The following ESRRB variants were observed in gnomAD, a reference collection of about 807,000 sequenced individuals.
ESRRB encodes the protein estrogen related receptor beta, also known as steroid hormone receptor ERR2.
Under a neutral mutation model 46.0 loss-of-function variants are expected in ESRRB, and 16 were observed. The observed-to-expected ratio is 0.35, with a 90% CI of 0.24 to 0.53. The LOEUF is 0.53. Among genes scored for constraint, ESRRB ranks in the 20% least tolerant of loss-of-function variants. The probability of loss-of-function intolerance (pLI) is 0.93; values close to 1 mark genes in which losing one functional copy is unlikely to be tolerated. For missense variants in ESRRB, 488 were observed against 607.4 expected, an observed-to-expected ratio of 0.80 and a Z score of 2.07; for synonymous variants, 246 against 259.6, an observed-to-expected ratio of 0.95 and a Z score of 0.50.
At chr14:76,390,865 C>T (rs903860300) in intron 1 of ESRRB, among the ~76,000 whole-genome samples, 1 of 152,154 alleles carries the variant, frequency 6.6e-6, no homozygotes, top group Admixed American at 6.5e-5. Flanking sequence ...GCCACAGCAG[C>T]ACATGGTTGA....
At position 76,327,293 on chromosome 14, in the gene ESRRB, C is replaced by T. The variant is rs115842767; in HGVS notation, c.2+16377C>T. ...TACCTCCTGGGGCTTGGCCAGCTTC[C>T]CCATTTCTCTCTGACACGCCTGGAA... On this transcript the variant is annotated intron_variant, in intron 1 of 6. Coordinates refer to the ESRRB transcript ENST00000512784. Among the ~76,000 whole-genome samples the T allele has an allele frequency of 4.1e-3, 625 of 152,314 alleles. 4 individuals are homozygous for T. The highest frequency in any genetic ancestry group is 0.014 in the African/African-American group (579 of 41,556).
At chr14:76,465,936 C>A (rs971834635) in intron 3 of ESRRB, among the ~76,000 whole-genome samples, 1 of 152,224 alleles carries the variant, frequency 6.6e-6, no homozygotes, top group Non-Finnish European at 1.5e-5. Context: ...GGGACCGACC[C>A]CCTTGGGAGG....
intron 5 of ESRRB, among the ~76,000 whole-genome samples, chr14:76,487,165 T>C (rs921973495): frequency 1.3e-5 from 2 of 152,180 alleles, no homozygotes; most frequent in Admixed American, 1.3e-4. Context: ...TTACACCTGC[T>C]TTTTCCATTT....
chr14:76,359,319 G>T (rs1410704677), intron 1 of ESRRB, among the ~76,000 whole-genome samples: 3 of 152,082 alleles, frequency 2.0e-5, no homozygotes, highest in Non-Finnish European at 2.9e-5. Flanking sequence ...CCCATTCAAG[G>T]GTGAGGAAAT....
Position 76,347,681 on chromosome 14 carries a change from T to C in ESRRB, c.2+36765T>C, listed in dbSNP as rs1441456373. ...AGTAATTTGTCCAAAGTTGTACAGCTAGTAAGTGATGGAGCCTGGACTCCA... is the reference window on the plus strand; with the variant it reads ...AGTAATTTGTCCAAAGTTGTACAGCCAGTAAGTGATGGAGCCTGGACTCCA... On this transcript the variant is annotated intron_variant, in intron 1 of 6. Transcript: ENST00000512784. 8.0e-5 allele frequency among the ~76,000 whole-genome samples: 8 copies of C among 99,972 alleles called. 1 individual carries two copies. Among genetic ancestry groups the C allele is most frequent in the Non-Finnish European group, 1.5e-4 (7 of 46,662 alleles). 65.6% of individuals were successfully genotyped at this position (99,972 alleles called of 152,430 possible).
Position 76,378,329 on chromosome 14 carries a change from G to A in ESRRB, c.50+1878G>A, listed in dbSNP as rs549868059. Among the ~76,000 whole-genome samples the A allele has an allele frequency of 3.3e-5, 5 of 152,244 alleles. No individual in the cohort carries two copies. In the East Asian group the frequency reaches 9.7e-4, roughly 29 times the overall value. ...CAGCTGGGTAATTCATCGAGTTGAC[G>A]GCAGCCCTGACTGGAGTTTGAGGAG... On this transcript the variant is annotated intron_variant, in intron 1 of 6. Coordinates refer to ENST00000644823, the MANE Select transcript of ESRRB (RefSeq NM_001379180.1).
intron 1 of ESRRB, among the ~76,000 whole-genome samples, chr14:76,365,157 T>G (rs2139775161): frequency 6.6e-6 from 1 of 152,324 alleles, no homozygotes; most frequent in East Asian, 1.9e-4. Flanking sequence ...CAGAGTGAAG[T>G]AACTTGAGTT....
In ESRRB at chr14:76,498,478, A is replaced by G. The variant is rs371141236; in HGVS notation, c.*20A>G. The G allele has an allele frequency of 1.4e-5, 23 of 1,612,962 alleles. No individual in the cohort carries two copies. Among genetic ancestry groups the G allele is most frequent in the Middle Eastern group, 1.6e-4 (1 of 6,062 alleles). On this transcript the variant is annotated 3_prime_UTR_variant, in exon 7 of 7. Coordinates refer to ENST00000644823, the MANE Select transcript of ESRRB (RefSeq NM_001379180.1). The stretch of plus-strand genomic sequence containing the variant: ...GTGTGATGGCCCCGCACACGGACCA[A>G]TGCCCACCTACAGACAGACAAACGG...
At position 76,402,810 on chromosome 14, in the gene ESRRB, A is replaced by C. The variant is rs78300663; in HGVS notation, c.50+26359A>C. On this transcript the variant is annotated intron_variant, in intron 1 of 6. Transcript: ENST00000644823. ...CAGCCTCCTAAGTAGCTGGGACTAC[A>C]GGCATGACATCCCACTCAGCTCTGG... is the stretch of plus-strand genomic sequence containing the variant. Among the ~76,000 whole-genome samples the C allele has an allele frequency of 6.3e-3, 953 of 152,154 alleles. 8 individuals are homozygous for C. The highest frequency in any genetic ancestry group is 9.7e-3 in the Non-Finnish European group (660 of 67,992).
At chr14:76,402,178 A>G (rs918542196) in intron 1 of ESRRB, among the ~76,000 whole-genome samples, 2 of 152,224 alleles carry the variant, frequency 1.3e-5, no homozygotes, top group African/African-American at 4.8e-5. Context: ...TGCTGATTTC[A>G]ATGCTAATCT....
chr14:76,387,338 G>A lies in ESRRB; in HGVS notation c.50+10887G>A, dbSNP rs1408634529. ...AGCCCCGGGTACGGGGAATGGAAGAGCTCTAGAGCCCCCTACAGGCACTCA... is the reference window on the plus strand; with the variant it reads ...AGCCCCGGGTACGGGGAATGGAAGAACTCTAGAGCCCCCTACAGGCACTCA... On this transcript the variant is annotated intron_variant, in intron 1 of 6. Coordinates refer to ENST00000644823, the MANE Select transcript of ESRRB (RefSeq NM_001379180.1). Among the ~76,000 whole-genome samples the A allele has an allele frequency of 2.6e-5, 4 of 152,228 alleles. No individual in the cohort carries two copies. The South Asian group carries it at 6.2e-4, about 24-fold the overall frequency.
intron 1 of ESRRB, among the ~76,000 whole-genome samples, chr14:76,411,433 G>A (rs1376472503): frequency 6.6e-6 from 1 of 151,292 alleles, no homozygotes; most frequent in Admixed American, 6.6e-5. Context: ...GGACAACAAA[G>A]CAAGACTCCA....
At chr14:76,446,369 GTT>G (rs3832965) in intron 2 of ESRRB, among the ~76,000 whole-genome samples, 14,046 of 145,916 alleles carry the variant, frequency 0.096, 1,232 homozygotes, top group African/African-American at 0.23. Flanking sequence ...TCTGTTGTTC[GTT>G]TTTTTTTTTT....
At chr14:76,312,231 G>A (rs1315907999) in intron 1 of ESRRB, among the ~76,000 whole-genome samples, 1 of 152,064 alleles carries the variant, frequency 6.6e-6, no homozygotes, top group Non-Finnish European at 1.5e-5. Context: ...AGTTTTACCA[G>A]CATGAAACCA....
intron 3 of ESRRB, among the ~76,000 whole-genome samples, chr14:76,477,756 G>A (rs979495588): frequency 5.9e-5 from 9 of 152,106 alleles, no homozygotes; most frequent in Admixed American, 1.3e-4. Flanking sequence ...TTTTAACAGC[G>A]TAATCTGATA....
chr14:76,348,260 C>G (rs983463180), intron 1 of ESRRB, among the ~76,000 whole-genome samples: 1 of 152,110 alleles, frequency 6.6e-6, no homozygotes, highest in Admixed American at 6.5e-5. Flanking sequence ...ATAACCTTTC[C>G]CCCAGGCTCA....
chr14:76,493,177 CAG>C (rs889957829), intron 6 of ESRRB, among the ~76,000 whole-genome samples: 1 of 151,906 alleles, frequency 6.6e-6, no homozygotes, highest in African/African-American at 2.4e-5. Flanking sequence ...TTTTTTGAGA[CAG>C]AGTCTCACTC....
chr14:76,446,071 G>T (rs1414694567), intron 2 of ESRRB, among the ~76,000 whole-genome samples: 1 of 152,174 alleles, frequency 6.6e-6, no homozygotes, highest in South Asian at 2.1e-4. Context: ...GGCAAACTAC[G>T]GCCTGTAAGC....
At chr14:76,393,154 C>G (rs534596628) in intron 1 of ESRRB, among the ~76,000 whole-genome samples, 146 of 152,308 alleles carry the variant, frequency 9.6e-4, no homozygotes, top group Middle Eastern at 6.8e-3. Context: ...GTTTATCTCC[C>G]TTGTGTATTC....
Sources: gnomAD v4.1 joint callset for allele counts (sites outside exome capture counted in the v4.1 genomes callset) on GRCh38, gnomAD v4.1.1 for gene constraint, MANE v1.5 for transcripts, NCBI Gene and HGNC (gene_info 2026-07-23, HGNC 2026-07-21) for gene names.